SLC22A23: variants seen among roughly 807,000 people sequenced by gnomAD.
SLC22A23 encodes the protein ion transporter protein.
SLC22A23 carries 26 observed loss-of-function variants against 61.0 expected under a neutral mutation model. The observed-to-expected ratio is 0.43, with a 90% confidence interval of 0.31 to 0.59. SLC22A23 has a LOEUF of 0.59. Among genes scored for constraint, SLC22A23 ranks in the 20% least tolerant of loss-of-function variants. SLC22A23 has a pLI of 0.11. For synonymous variants in SLC22A23, 430 were observed against 413.9 expected (o/e 1.04, Z -0.47); for missense variants, 796 against 934.7 (o/e 0.85, Z 1.94).
At chr6:3,364,494 C>T (rs1231808042) in intron 3 of SLC22A23, among the ~76,000 whole-genome samples, 1 of 152,162 alleles carries the variant, frequency 6.6e-6, no homozygotes, top group Non-Finnish European at 1.5e-5. Flanking sequence ...AGTGAGGTCA[C>T]ACCATGTGAT....
intron 3 of SLC22A23, among the ~76,000 whole-genome samples, chr6:3,352,766 A>G (rs1468540430): frequency 6.6e-6 from 1 of 152,204 alleles, no homozygotes; most frequent in Non-Finnish European, 1.5e-5. Flanking sequence ...AAGCAGAGAA[A>G]TGACAATTCT....
rs1021578293 is a variant in SLC22A23 at position 3,386,211 on chromosome 6, G to C, written c.913+23977C>G. 6.6e-6 allele frequency among the ~76,000 whole-genome samples: 1 copy of C among 152,172 alleles called. No homozygotes were observed. The highest frequency in any genetic ancestry group is 2.4e-5 in the African/African-American group (1 of 41,450). On this transcript the variant is annotated intron_variant, in intron 3 of 9. Coordinates refer to ENST00000406686, the MANE Select transcript of SLC22A23 (RefSeq NM_015482.2). This position sits in a 1 kb window ranked among gnomAD's most constrained non-coding sequence, Gnocchi z 4.4. ...GTTGACATTAGCTGGGAGCATCACA[G>C]GGAAGCCAGTGTGCCCTGACAGTGC...
At chr6:3,335,481 T>C (rs1387499772) in intron 3 of SLC22A23, among the ~76,000 whole-genome samples, 1 of 152,196 alleles carries the variant, frequency 6.6e-6, no homozygotes, top group African/African-American at 2.4e-5. Flanking sequence ...GACAGCATCC[T>C]CCCTGAGTCT....
intron 3 of SLC22A23, among the ~76,000 whole-genome samples, chr6:3,362,404 CA>C (rs1156353716): frequency 6.8e-4 from 36 of 53,176 alleles, no homozygotes; most frequent in Admixed American, 9.9e-4. Context: ...TTCCGTCTCA[CA>C]AAAAAAAAAA....
intron 5 of SLC22A23, among the ~76,000 whole-genome samples, chr6:3,294,794 G>C (rs4959799): frequency 0.12 from 18,354 of 152,212 alleles, 1,574 homozygotes; most frequent in African/African-American, 0.23. Flanking sequence ...GCACAGGCCA[G>C]TAAGAACTTC....
intron 5 of SLC22A23, among the ~76,000 whole-genome samples, chr6:3,295,306 TG>T (rs36175808): frequency 0.33 from 49,540 of 151,330 alleles, 12,896 homozygotes; most frequent in African/African-American, 0.71. Flanking sequence ...AAGGCAAGAG[TG>T]GGGAGCTGAG....
chr6:3,379,003 G>A (rs1228095626), intron 3 of SLC22A23, among the ~76,000 whole-genome samples: 2 of 152,136 alleles, frequency 1.3e-5, no homozygotes, highest in East Asian at 3.9e-4. Flanking sequence ...ATCGTGGCCT[G>A]GGCTCTAAGT....
intron 3 of SLC22A23, among the ~76,000 whole-genome samples, chr6:3,366,635 C>G (rs1253083728): frequency 1.3e-5 from 2 of 152,148 alleles, no homozygotes; most frequent in East Asian, 3.9e-4. Flanking sequence ...CTCATGTGGA[C>G]AATACTTCTA....
chr6:3,294,599 T>C (rs1760910157), intron 5 of SLC22A23, among the ~76,000 whole-genome samples: 1 of 152,232 alleles, frequency 6.6e-6, no homozygotes, highest in African/African-American at 2.4e-5. Flanking sequence ...TGCATTAGGC[T>C]GCTGGCCACA....
chr6:3,281,706 G>C (rs1759488402), intron 9 of SLC22A23, among the ~76,000 whole-genome samples: 1 of 152,080 alleles, frequency 6.6e-6, no homozygotes, highest in Non-Finnish European at 1.5e-5. Flanking sequence ...CGTGGGAATT[G>C]TTCCTCAGTC....
intron 3 of SLC22A23, among the ~76,000 whole-genome samples, chr6:3,366,332 C>CAAAAAAAAAAAAAAAAAAA (rs11387672): frequency 2.7e-5 from 2 of 74,164 alleles, no homozygotes; most frequent in African/African-American, 6.3e-5. Flanking sequence ...GACTCTGTCT[C>CAAAAAAAAAAAAAAAAAAA]AAAAAAAAAA....
At chr6:3,409,976 A>G (rs1769104777) in intron 3 of SLC22A23, among the ~76,000 whole-genome samples, 1 of 152,218 alleles carries the variant, frequency 6.6e-6, no homozygotes. Context: ...TTTGATGTGC[A>G]CTGAGCCCGA....
At chr6:3,419,693 T>A (rs1769990368) in intron 1 of SLC22A23, among the ~76,000 whole-genome samples, 1 of 152,216 alleles carries the variant, frequency 6.6e-6, no homozygotes, top group Admixed American at 6.5e-5. Flanking sequence ...CACAGTTCCC[T>A]GGACAGGCTA....
At position 3,456,601 on chromosome 6, in the gene SLC22A23, C is replaced by T. The variant is rs1772422297; in HGVS notation, c.-42G>A. ...TCCCGCAGAGGCGCATAGAGCGCGGCGGAGGCTCCGCGGGCGCCCCGGGCA... is the reference window on the plus strand; with the variant it reads ...TCCCGCAGAGGCGCATAGAGCGCGGTGGAGGCTCCGCGGGCGCCCCGGGCA... On this transcript the variant is annotated 5_prime_UTR_variant, in exon 1 of 10. Coordinates refer to ENST00000406686, the MANE Select transcript of SLC22A23 (RefSeq NM_015482.2). This position sits in a 1 kb window ranked among gnomAD's most constrained non-coding sequence, Gnocchi z 7.1. The T allele has an allele frequency of 1.0e-6, 1 of 978,714 alleles. No individual in the cohort carries two copies. The highest frequency in any genetic ancestry group is 1.2e-6 in the Non-Finnish European group (1 of 826,790). 60.6% of individuals were successfully genotyped at this position (978,714 alleles called of 1,614,324 possible).
intron 3 of SLC22A23, among the ~76,000 whole-genome samples, chr6:3,332,868 A>C (rs544840540): frequency 1.3e-5 from 2 of 152,050 alleles, no homozygotes; most frequent in African/African-American, 2.4e-5. Context: ...CTCTTTCCCC[A>C]TGGAACTTGA....
chr6:3,384,552 A>AG (rs1418242582), intron 3 of SLC22A23, among the ~76,000 whole-genome samples: 4 of 152,270 alleles, frequency 2.6e-5, no homozygotes. Context: ...CACACTACCT[A>AG]GTTTGAACTT....
intron 3 of SLC22A23, among the ~76,000 whole-genome samples, chr6:3,358,905 C>T (rs1052269487): frequency 2.0e-5 from 3 of 152,102 alleles, no homozygotes; most frequent in Non-Finnish European, 4.4e-5. Context: ...CAAAGGGAAG[C>T]CCTGGCTCCC....
At chr6:3,281,142 C>A (rs1334333030) in intron 9 of SLC22A23, among the ~76,000 whole-genome samples, 4 of 152,232 alleles carry the variant, frequency 2.6e-5, no homozygotes, top group Admixed American at 2.6e-4. Flanking sequence ...GCACAGCCAG[C>A]AGCTGCTTCC....
chr6:3,418,005 C>G (rs1202071234), intron 1 of SLC22A23, among the ~76,000 whole-genome samples: 1 of 152,226 alleles, frequency 6.6e-6, no homozygotes, highest in Non-Finnish European at 1.5e-5. Flanking sequence ...TTCAGGAATA[C>G]AGGTTTTGCC....
Sources: gnomAD v4.1 joint callset for allele counts (sites outside exome capture counted in the v4.1 genomes callset) on GRCh38, gnomAD v4.1.1 for gene constraint, Gnocchi (gnomAD v3.1) non-coding constraint, MANE v1.5 for transcripts, NCBI Gene and HGNC (gene_info 2026-07-23, HGNC 2026-07-21) for gene names.